LSMEM1: variants seen among roughly 807,000 people sequenced by gnomAD.
The protein encoded by LSMEM1 is leucine rich single-pass membrane protein 1.
LSMEM1 carries 10 observed loss-of-function variants against 11.3 expected under a neutral mutation model. The observed-to-expected ratio is 0.89, with a 90% confidence interval of 0.55 to 1.50. LSMEM1 has a LOEUF of 1.50. Among genes scored for constraint, LSMEM1 ranks in the 40% most tolerant of loss-of-function variants. LSMEM1 has a pLI of 0.00. For missense variants in LSMEM1, 151 were observed against 152.9 expected (o/e 0.99, Z 0.06); for synonymous variants, 65 against 59.3 (o/e 1.10, Z -0.44).
Position 112,490,001 on chromosome 7 carries a change from T to TG in LSMEM1, c.*55dup. On this transcript the variant is annotated 3_prime_UTR_variant, in exon 4 of 4. Coordinates refer to ENST00000312849, the MANE Select transcript of LSMEM1 (RefSeq NM_182597.3). ...TAACACCTTGAGCTTTTTACTTTCC[T>TG]GGGAGTGTACAGGGTTAGGAACTGA... 27 of 1,579,534 alleles carry TG rather than the reference T, an allele frequency of 1.7e-5. No individual in the cohort carries two copies. The highest frequency in any genetic ancestry group is 2.3e-5 in the Non-Finnish European group (27 of 1,164,470).
At position 112,486,341 on chromosome 7, in the gene LSMEM1, T is replaced by C. The variant is rs1554511945; in HGVS notation, c.128-582T>C. The C allele has an allele frequency of 1.8e-4, 79 of 450,600 alleles. 1 individual carries two copies. Among genetic ancestry groups the C allele is most frequent in the South Asian group, 1.2e-3 (78 of 63,984 alleles). 27.9% of individuals were successfully genotyped at this position (450,600 alleles called of 1,614,324 possible). On this transcript the variant is annotated intron_variant, in intron 2 of 3. Coordinates refer to ENST00000312849, the MANE Select transcript of LSMEM1 (RefSeq NM_182597.3). ...TCCCCACACACAAAAATTCATGTTC[T>C]GCTATTTCAGTGTTAAGACAGTCTT...
rs1796096047 is a variant in LSMEM1 at position 112,484,812 on chromosome 7, G to C, written c.-5G>C. The C allele has an allele frequency of 6.2e-7, 1 of 1,612,224 alleles. No homozygotes were observed. Among genetic ancestry groups the C allele is most frequent in the East Asian group, 2.2e-5 (1 of 44,816 alleles). On this transcript the variant is annotated splice_region_variant and 5_prime_UTR_variant, in exon 2 of 4. Transcript: ENST00000312849. ...TTTTAACATCAGTGTTTTCTTCCAG[G>C]GACAATGACTCATTCTTCCCAGGAC... is the stretch of plus-strand genomic sequence containing the variant.
chr7:112,484,040 G>A (rs542980188), intron 1 of LSMEM1, among the ~76,000 whole-genome samples: 128 of 152,268 alleles, frequency 8.4e-4, no homozygotes, highest in African/African-American at 2.7e-3. Context: ...TTGTGCTGTC[G>A]TTAGAGAATA....
upstream of LSMEM1, chr7:112,480,888 C>A: frequency 2.2e-6 from 1 of 456,224 alleles, no homozygotes; most frequent in Non-Finnish European, 4.4e-6. Flanking sequence ...TGGCAGCTTC[C>A]GCCTGCTACA....
intron 1 of LSMEM1, among the ~76,000 whole-genome samples, chr7:112,481,819 A>G (rs1796037952): frequency 6.6e-6 from 1 of 152,204 alleles, no homozygotes; most frequent in South Asian, 2.1e-4. Context: ...GTCAAGGTAT[A>G]AGAAAGGGTT....
chr7:112,489,872 G>C lies in LSMEM1; in HGVS notation c.319G>C (p.Asp107His), dbSNP rs779000928. The change falls in exon 4 of 4, where the codon GAT (aspartate) becomes CAT (histidine). Residue 107 changes from aspartate (D) to histidine (H), a missense_variant. By Grantham distance (81) the Asp-to-His change is moderately conservative. Coordinates refer to ENST00000312849, the MANE Select transcript of LSMEM1 (RefSeq NM_182597.3). Reference protein sequence around the residue: ...RRLTAEGKDIDDLKRINNMIV... With the variant: ...RRLTAEGKDIHDLKRINNMIV... ...ACTAACAGCTGAAGGAAAAGACATA[G>C]ATGATCTTAAGAGAATCAATAACAT... 1 of 1,614,136 alleles carries C rather than the reference G, an allele frequency of 6.2e-7. No homozygotes were observed. Among genetic ancestry groups the C allele is most frequent in the Non-Finnish European group, 8.5e-7 (1 of 1,179,994 alleles).
chr7:112,483,111 T>TC (rs1196792439), intron 1 of LSMEM1, among the ~76,000 whole-genome samples: 1 of 151,964 alleles, frequency 6.6e-6, no homozygotes, highest in Non-Finnish European at 1.5e-5. Flanking sequence ...ATACTTTTTT[T>TC]CCCCACATCT....
chr7:112,487,640 G>C (rs1397047672), intron 3 of LSMEM1, among the ~76,000 whole-genome samples: 1 of 152,260 alleles, frequency 6.6e-6, no homozygotes. Context: ...GTGACCTTGA[G>C]TGGTGACTCA....
chr7:112,487,045 C>T lies in LSMEM1; in HGVS notation c.250C>T (p.Leu84=), dbSNP rs2117370837. Residue 84 remains leucine (L), a synonymous_variant, in exon 3 of 4, where the codon CTA becomes TTA. Transcript: ENST00000312849. ...SLALVFFVIF[L]IVQTGNKMDD... The stretch of plus-strand genomic sequence containing the variant: ...GGCACTGGTTTTTTTCGTGATATTT[C>T]TAATAGGTAAGTACCACCACAGGTT... 1.2e-6 allele frequency: 2 copies of T among 1,614,034 alleles called. No individual in the cohort carries two copies. The highest frequency in any genetic ancestry group is 1.3e-5 in the African/African-American group (1 of 75,020).
intron 2 of LSMEM1, 117 bp from the exon 3 acceptor site, chr7:112,486,806 A>G: frequency 1.4e-6 from 2 of 1,397,930 alleles, no homozygotes; most frequent in Non-Finnish European, 1.9e-6. Flanking sequence ...TAGGCTTGTC[A>G]GAGAGAAAGT....
chr7:112,481,798 A>ATTTT (rs1401450161), intron 1 of LSMEM1, among the ~76,000 whole-genome samples: 1 of 152,260 alleles, frequency 6.6e-6, no homozygotes, highest in African/African-American at 2.4e-5. Context: ...GAAATTACTT[A>ATTTT]CATGTTTCCA....
At chr7:112,480,321 G>T (rs1796003726), upstream of LSMEM1, among the ~76,000 whole-genome samples, 1 of 152,160 alleles carries the variant, frequency 6.6e-6, no homozygotes, top group East Asian at 1.9e-4. Context: ...AGTAGGCTGG[G>T]ATCATGCCAC....
chr7:112,489,436 C>G (rs930588788), intron 3 of LSMEM1, among the ~76,000 whole-genome samples: 1 of 152,166 alleles, frequency 6.6e-6, no homozygotes, highest in South Asian at 2.1e-4. Context: ...TGTAATTTCT[C>G]AAATGAGCAA....
upstream of LSMEM1, chr7:112,480,968 A>G (rs1346641315): frequency 4.4e-6 from 2 of 451,066 alleles, no homozygotes; most frequent in Non-Finnish European, 4.5e-6. Flanking sequence ...CAGTTGCTTC[A>G]GCCAGATAAG....
upstream of LSMEM1, chr7:112,480,890 C>T (rs911100535): frequency 1.8e-4 from 82 of 456,108 alleles, no homozygotes; most frequent in African/African-American, 1.1e-3. Context: ...GCAGCTTCCG[C>T]CTGCTACAGG....
At chr7:112,484,348 T>C (rs1297427830) in intron 1 of LSMEM1, among the ~76,000 whole-genome samples, 1 of 152,234 alleles carries the variant, frequency 6.6e-6, no homozygotes, top group African/African-American at 2.4e-5. Context: ...TCAGAATGTT[T>C]TGTGGCCACT....
Position 112,484,920 on chromosome 7 carries a change from C to T in LSMEM1, c.104C>T (p.Pro35Leu), listed in dbSNP as rs1486811254. Residue 35 changes from proline to leucine, a missense_variant, in exon 2 of 4, where the codon CCA becomes CTA. Transcript: ENST00000312849. ...GACTTAAACAAACTAAACCTCTGTCCAGCCGGATCGCAGCATCTGTTCCGT... is the reference window on the plus strand; with the variant it reads ...GACTTAAACAAACTAAACCTCTGTCTAGCCGGATCGCAGCATCTGTTCCGT... Reference protein sequence around the residue: ...INDLNKLNLCPAGSQHLFPLE... With the variant: ...INDLNKLNLCLAGSQHLFPLE... 1.2e-6 allele frequency: 2 copies of T among 1,613,362 alleles called. No individual in the cohort carries two copies. Among genetic ancestry groups the T allele is most frequent in the Non-Finnish European group, 1.7e-6 (2 of 1,179,564 alleles).
intron 1 of LSMEM1, among the ~76,000 whole-genome samples, 193 bp from the exon 2 acceptor site, chr7:112,484,619 A>G (rs1796092847): frequency 6.6e-6 from 1 of 152,194 alleles, no homozygotes; most frequent in African/African-American, 2.4e-5. Context: ...CAAAGCAAAA[A>G]GAACGATTAC....
chr7:112,487,785 C>A (rs1796163441), intron 3 of LSMEM1, among the ~76,000 whole-genome samples: 1 of 152,246 alleles, frequency 6.6e-6, no homozygotes, highest in South Asian at 2.1e-4. Context: ...CCTCTTCCCA[C>A]AGAGCCCACC....
Sources: gnomAD v4.1 joint callset for allele counts (sites outside exome capture counted in the v4.1 genomes callset) on GRCh38, gnomAD v4.1.1 for gene constraint, MANE v1.5 for transcripts, NCBI Gene and HGNC (gene_info 2026-07-23, HGNC 2026-07-21) for gene names.